The following LRWD1 variants were observed in gnomAD, a reference collection of about 807,000 sequenced individuals.
LRWD1 encodes the protein leucine-rich repeat and WD repeat-containing protein 1.
LRWD1 carries 76 observed loss-of-function variants against 75.6 expected under a neutral mutation model. The ratio of observed to expected loss-of-function variants is 1.01; its 90% CI spans 0.84 to 1.22. LRWD1 has a LOEUF of 1.22. LRWD1 is among the 50% of genes most tolerant of loss of function. The pLI, the probability that LRWD1 is intolerant of heterozygous loss-of-function variation, is 0.00. For synonymous variants in LRWD1, 487 were observed against 377.0 expected (o/e 1.29, Z -3.38); for missense variants, 917 against 862.0 (o/e 1.06, Z -0.80).
chr7:102,472,881 G>C (rs141107577), intron 14 of LRWD1, 28 bp from the exon 15 acceptor site: 2 of 1,611,544 alleles, frequency 1.2e-6, no homozygotes, highest in Admixed American at 3.3e-5. Flanking sequence ...CAGGAGCCCA[G>C]CCCAGCCCTC....
At position 102,466,010 on chromosome 7, in the gene LRWD1, A is replaced by C. The variant is rs764136889; in HGVS notation, c.274A>C (p.Lys92Gln). Residue 92 changes from lysine (K) to glutamine (Q), a missense_variant, in exon 2 of 15, where the codon AAG (lysine) becomes CAG (glutamine). By Grantham distance (53) the Lys-to-Gln change is moderately conservative. Coordinates refer to ENST00000292616, the MANE Select transcript of LRWD1 (RefSeq NM_152892.3). ...TGTTACTGCCTTGTGCCAGTTCCCC[A>C]AGCTCGAGGAACTCAGCCTGGAGGG... Reference protein sequence around the residue: ...GDVTALCQFPKLEELSLEGNP... With the variant: ...GDVTALCQFPQLEELSLEGNP... 11 of 1,613,992 alleles carry C rather than the reference A, an allele frequency of 6.8e-6. No homozygotes were observed. Among genetic ancestry groups the C allele is most frequent in the Admixed American group, 5.0e-5 (3 of 60,014 alleles).
At chr7:102,469,496 C>T in intron 9 of LRWD1, 78 bp from the exon 10 acceptor site, 3 of 1,554,712 alleles carry the variant, frequency 1.9e-6, no homozygotes, top group Non-Finnish European at 2.7e-6. Context: ...GGACCGTGGG[C>T]TCAGCCTGGG....
At chr7:102,471,822 G>C (rs1224345264) in intron 11 of LRWD1, 1 of 175,998 alleles carries the variant, frequency 5.7e-6, no homozygotes, top group African/African-American at 2.6e-5. Flanking sequence ...CCCGTCTTTT[G>C]AGTCAGAGCA....
rs201914011 is a variant in LRWD1, at chr7:102,469,049, G to C, written c.1215G>C (p.Glu405Asp). The C allele has an allele frequency of 1.5e-4, 248 of 1,606,588 alleles. No individual in the cohort carries two copies. The highest frequency in any genetic ancestry group is 1.9e-4 in the Non-Finnish European group (222 of 1,176,606). ...CCCTGTGCTTCAGCCCCGCCCACGA[G>C]ACCCATCTCTTCAGTAAGCCCCTCC... ...IATLCFSPAH[E>D]THLFTASYDK... Residue 405 changes from glutamate (E) to aspartate (D), a missense_variant, in exon 9 of 15, where the codon GAG (glutamate) becomes GAC (aspartate). Transcript: ENST00000292616.
chr7:102,472,390 A>C lies in LRWD1; in HGVS notation c.1535-64A>C. On this transcript the variant is annotated intron_variant, in intron 12 of 14. Transcript: ENST00000292616. The stretch of plus-strand genomic sequence containing the variant: ...TTGTCCCTGGGCTAGGCTTCTGAGG[A>C]TCTCTAGTGGGAGAAGGTGTCTGGG... 7 of 1,550,516 alleles carry C rather than the reference A, an allele frequency of 4.5e-6. No individual in the cohort carries two copies. The South Asian group carries it at 7.1e-5, about 16-fold the overall frequency.
At chr7:102,467,070 GGTGTGTGT>G (rs59522694) in intron 3 of LRWD1, among the ~76,000 whole-genome samples, 62,960 of 133,010 alleles carry the variant, frequency 0.47, 15,577 homozygotes, top group Middle Eastern at 0.58. Flanking sequence ...GGTTGTTGCT[GGTGTGTGT>G]GTGTGTGTGT....
Position 102,470,290 on chromosome 7 carries a change from T to C in LRWD1, c.1442+408T>C, listed in dbSNP as rs140514387. 486 of 168,728 alleles carry C rather than the reference T, an allele frequency of 2.9e-3. 4 individuals carry two copies. Among genetic ancestry groups the C allele is most frequent in the African/African-American group, 0.011 (459 of 42,252 alleles). The allele number at this position is 168,728 out of a possible 1,614,324, so 10.5% of individuals were successfully genotyped here. On this transcript the variant is annotated intron_variant, in intron 11 of 14. Coordinates refer to ENST00000292616, the MANE Select transcript of LRWD1 (RefSeq NM_152892.3). ...GCAGGCAGGCTTTGGAAGTGCCACG[T>C]TGAGGCTTTCTGGCTCATCTGTCCC...
chr7:102,471,018 C>G (rs1407184049), intron 11 of LRWD1: 2 of 152,178 alleles, frequency 1.3e-5, no homozygotes, highest in African/African-American at 4.8e-5. Context: ...AATTTCCACC[C>G]CCCCACCGGG....
Position 102,466,045 on chromosome 7 carries a change from C to G in LRWD1, c.309C>G (p.Phe103Leu), listed in dbSNP as rs1797964360. ...AACTCAGCCTGGAGGGCAACCCCTT[C>G]CTGACGGTAAGTGGGAGCCTCCCAC... ...LEELSLEGNP[F>L]LTVNDNLKVS... Residue 103 changes from phenylalanine to leucine, a missense_variant, in exon 2 of 15, where the codon TTC becomes TTG. Coordinates refer to ENST00000292616, the MANE Select transcript of LRWD1 (RefSeq NM_152892.3). 2 of 1,614,088 alleles carry G rather than the reference C, an allele frequency of 1.2e-6. No individual in the cohort carries two copies. Among genetic ancestry groups the G allele is most frequent in the African/African-American group, 1.3e-5 (1 of 75,064 alleles).
In LRWD1 at chr7:102,472,468, G is replaced by C; in HGVS notation, c.1549G>C (p.Gly517Arg). The change falls in exon 13 of 15, where the codon GGC becomes CGC. Residue 517 changes from glycine (G) to arginine (R), a missense_variant. Physicochemically the swap from Gly to Arg is moderately radical, Grantham distance 125. Coordinates refer to ENST00000292616, the MANE Select transcript of LRWD1 (RefSeq NM_152892.3). ...NEDIVASKGS[G>R]LGTICLWSWR... ...CTCCCCCACAGCCTCCAAGGGGAGC[G>C]GCCTGGGCACCATCTGCCTGTGGAG... 1 of 1,536,822 alleles carries C rather than the reference G, an allele frequency of 6.5e-7. No homozygotes were observed.
Position 102,469,892 on chromosome 7 carries a change from G to A in LRWD1, c.1442+10G>A, listed in dbSNP as rs752908692. On this transcript the variant is annotated intron_variant, in intron 11 of 14. Transcript: ENST00000292616. The stretch of plus-strand genomic sequence containing the variant: ...AGCCCCAAAAGAGGAGGTGAGGCTG[G>A]GCAGGGGGCGCCTTGGAAGCCAGGC... 2.0e-6 allele frequency: 3 copies of A among 1,521,042 alleles called. No individual in the cohort carries two copies. Among genetic ancestry groups the A allele is most frequent in the Non-Finnish European group, 2.6e-6 (3 of 1,136,672 alleles). The allele number at this position is 1,521,042 out of a possible 1,614,324, so 94.2% of individuals were successfully genotyped here.
At chr7:102,470,032 C>A (rs1020221455) in intron 11 of LRWD1, 150 bp downstream of exon 11, 70 of 1,007,652 alleles carry the variant, frequency 6.9e-5, no homozygotes, top group Non-Finnish European at 9.2e-5. Flanking sequence ...TCCCACCTTT[C>A]TGCCAGGCTC....
At chr7:102,469,451 G>A in intron 9 of LRWD1, 123 bp from the exon 10 acceptor site, 5 of 1,115,316 alleles carry the variant, frequency 4.5e-6, no homozygotes, top group Non-Finnish European at 6.6e-6. Context: ...TCCTAGCCTC[G>A]GCCCGCCCTC....
At chr7:102,472,063 C>T (rs1214862088) in intron 11 of LRWD1, 155 bp from the exon 12 acceptor site, 4 of 711,754 alleles carry the variant, frequency 5.6e-6, no homozygotes, top group Non-Finnish European at 9.6e-6. Context: ...CAAACTGAAC[C>T]TTCCTGGGGC....
intron 8 of LRWD1, 98 bp downstream of exon 8, chr7:102,468,752 C>T (rs1014668502): frequency 6.6e-7 from 1 of 1,523,644 alleles, no homozygotes; most frequent in Admixed American, 1.9e-5. Context: ...TGCCCCATGG[C>T]CTTTTTCTTT....
intron 4 of LRWD1, 78 bp from the exon 5 acceptor site, chr7:102,467,641 C>T: frequency 6.6e-7 from 1 of 1,511,602 alleles, no homozygotes; most frequent in South Asian, 1.2e-5. Context: ...GAAGCATAAG[C>T]TCCCCCTGAC....
At chr7:102,465,368 G>A (rs1563652294) in intron 1 of LRWD1, among the ~76,000 whole-genome samples, 1 of 152,146 alleles carries the variant, frequency 6.6e-6, no homozygotes, top group Non-Finnish European at 1.5e-5. Context: ...AGCCCGGACA[G>A]TTAGGGGCAC....
In LRWD1 at chr7:102,468,184, C is replaced by T. The variant is rs1282042555; in HGVS notation, c.801C>T (p.Ser267=). ...GCCCTGTGGCAGGCTCCGATGGCAGCCAGGTGAGCTGAGGTGGCAAGGAGC... is the reference window on the plus strand; with the variant it reads ...GCCCTGTGGCAGGCTCCGATGGCAGTCAGGTGAGCTGAGGTGGCAAGGAGC... ...EGSPVAGSDG[S]QPAVKLEPLH... is the part of the protein sequence containing the mutation. The change falls in exon 6 of 15, where the codon AGC becomes AGT. Residue 267 remains serine, a synonymous_variant. Transcript: ENST00000292616. The T allele has an allele frequency of 6.2e-7, 1 of 1,605,270 alleles. No individual in the cohort carries two copies. The highest frequency in any genetic ancestry group is 1.7e-5 in the Admixed American group (1 of 58,176).
intron 11 of LRWD1, chr7:102,471,979 G>A (rs1252308139): frequency 2.0e-6 from 1 of 508,380 alleles, no homozygotes; most frequent in Non-Finnish European, 3.6e-6. Flanking sequence ...CCCCGTCCTG[G>A]AAGAGCCACC....
Sources: gnomAD v4.1 joint callset for allele counts (sites outside exome capture counted in the v4.1 genomes callset) on GRCh38, gnomAD v4.1.1 for gene constraint, MANE v1.5 for transcripts, NCBI Gene and HGNC (gene_info 2026-07-23, HGNC 2026-07-21) for gene names.